The following PRPF18 variants were observed in gnomAD, a reference collection of about 807,000 sequenced individuals.
PRPF18 encodes the protein pre-mRNA-splicing factor 18.
PRPF18 carries 38 observed loss-of-function variants against 46.5 expected under a neutral mutation model. The observed-to-expected ratio is 0.82, with a 90% CI of 0.63 to 1.07. PRPF18 has a LOEUF of 1.07. PRPF18 is among the 50% of genes least tolerant of loss of function. The pLI is 0.00. For missense variants in PRPF18, 263 were observed against 410.0 expected (o/e 0.64, Z 3.10); for synonymous variants, 152 against 146.7 (o/e 1.04, Z -0.26).
chr10:13,593,925 GA>G (rs2079998960), intron 1 of PRPF18, among the ~76,000 whole-genome samples: 1 of 152,192 alleles, frequency 6.6e-6, no homozygotes, highest in Admixed American at 6.5e-5. Flanking sequence ...GAAAGAAAAT[GA>G]AATGGGTAAA....
intron 4 of PRPF18, among the ~76,000 whole-genome samples, chr10:13,607,151 G>C (rs2080199839): frequency 6.6e-6 from 1 of 152,136 alleles, no homozygotes; most frequent in South Asian, 2.1e-4. Flanking sequence ...GAATGCGGTG[G>C]CATAATCATG....
chr10:13,619,494 C>T (rs2080393797), intron 9 of PRPF18, among the ~76,000 whole-genome samples: 1 of 152,192 alleles, frequency 6.6e-6, no homozygotes, highest in African/African-American at 2.4e-5. Flanking sequence ...GCCCTTCTGG[C>T]CAGAGTCCTC....
intron 2 of PRPF18, 30 bp from the exon 3 acceptor site, chr10:13,600,214 G>A: frequency 3.3e-6 from 5 of 1,501,370 alleles, no homozygotes; most frequent in Non-Finnish European, 4.5e-6. Context: ...TTTTAAAGCT[G>A]AATTTCATTT....
the PRPF18 span, among the ~76,000 whole-genome samples, chr10:13,638,437 T>G: frequency 6.6e-6 from 1 of 150,792 alleles, no homozygotes; most frequent in African/African-American, 2.4e-5. Context: ...GGGAGAGAGA[T>G]TTATTATAAG....
chr10:13,593,998 A>T (rs1407959740), intron 1 of PRPF18, among the ~76,000 whole-genome samples: 1 of 152,226 alleles, frequency 6.6e-6, no homozygotes, highest in African/African-American at 2.4e-5. Context: ...TGTTTTGCGC[A>T]TGCTATAGGC....
At chr10:13,597,865 C>CT (rs1405765701) in intron 2 of PRPF18, among the ~76,000 whole-genome samples, 10 of 151,782 alleles carry the variant, frequency 6.6e-5, no homozygotes, top group Non-Finnish European at 1.2e-4. Flanking sequence ...CACCACTCCT[C>CT]TCCCCCACCT....
chr10:13,650,176 G>C, the PRPF18 span, among the ~76,000 whole-genome samples: 2 of 152,190 alleles, frequency 1.3e-5, no homozygotes, highest in African/African-American at 4.8e-5. Context: ...GGCATAGGGA[G>C]GTGGGGCTGC....
intron 2 of PRPF18, 31 bp downstream of exon 2, chr10:13,597,566 A>G: frequency 6.3e-7 from 1 of 1,599,448 alleles, no homozygotes. Context: ...GTTAAATTGT[A>G]CATTTCTGAG....
intron 3 of PRPF18, among the ~76,000 whole-genome samples, chr10:13,602,538 T>G (rs2080127985): frequency 6.6e-6 from 1 of 151,786 alleles, no homozygotes; most frequent in Admixed American, 6.6e-5. Flanking sequence ...AGCATCATGC[T>G]TGGAAAGGTT....
chr10:13,615,829 C>T (rs931753470), intron 8 of PRPF18, among the ~76,000 whole-genome samples: 9 of 152,122 alleles, frequency 5.9e-5, no homozygotes, highest in African/African-American at 1.7e-4. Context: ...GGAGCGATCT[C>T]ATCCTTCAGC....
intron 4 of PRPF18, 26 bp downstream of exon 4, chr10:13,605,770 A>C: frequency 1.3e-6 from 2 of 1,599,368 alleles, no homozygotes; most frequent in Non-Finnish European, 8.5e-7. Context: ...AAAGCTAGAA[A>C]AATACCACTG....
the PRPF18 span, chr10:13,654,453 G>A: frequency 2.4e-5 from 38 of 1,613,442 alleles, no homozygotes; most frequent in Non-Finnish European, 3.0e-5. Context: ...GGGCTGCTTG[G>A]GGGGGTGGCT....
intron 9 of PRPF18, among the ~76,000 whole-genome samples, chr10:13,625,581 G>A (rs576335871): frequency 1.1e-4 from 16 of 152,202 alleles, no homozygotes; most frequent in South Asian, 2.1e-4. Context: ...GTAAGAAAAC[G>A]TCCCAGACCT....
chr10:13,614,849 G>A (rs1015969276), intron 8 of PRPF18, among the ~76,000 whole-genome samples: 1 of 152,206 alleles, frequency 6.6e-6, no homozygotes, highest in Non-Finnish European at 1.5e-5. Context: ...TCTTGTGGCC[G>A]TGCCTCCCAA....
At chr10:13,641,802 T>C in the PRPF18 span, 21 of 152,328 alleles carry the variant, frequency 1.4e-4, no homozygotes, top group African/African-American at 2.7e-4. Context: ...GGAGTCATCG[T>C]TGACCTTGGC....
intron 6 of PRPF18, among the ~76,000 whole-genome samples, chr10:13,612,848 G>C (rs1352071804): frequency 6.6e-6 from 1 of 151,796 alleles, no homozygotes; most frequent in Non-Finnish European, 1.5e-5. Context: ...GCCTATTTTT[G>C]CTGACTTGCT....
chr10:13,622,309 G>A (rs2031606), intron 9 of PRPF18, among the ~76,000 whole-genome samples: 35,773 of 152,116 alleles, frequency 0.24, 4,655 homozygotes, highest in East Asian at 0.56. Context: ...GAACACTAGC[G>A]TGTTTTGGAA....
the PRPF18 span, chr10:13,644,645 C>G: frequency 6.6e-6 from 1 of 152,238 alleles, no homozygotes; most frequent in Non-Finnish European, 1.5e-5. Flanking sequence ...AGCTACTATG[C>G]ATGATGTAGA....
At chr10:13,654,423 G>T in the PRPF18 span, 3 of 1,601,036 alleles carry the variant, frequency 1.9e-6, no homozygotes, top group Non-Finnish European at 2.6e-6. Flanking sequence ...CACCCAGTCT[G>T]CCAGGTTAGG....
Sources: gnomAD v4.1 joint callset for allele counts (sites outside exome capture counted in the v4.1 genomes callset) on GRCh38, gnomAD v4.1.1 for gene constraint, MANE v1.5 for transcripts, NCBI Gene and HGNC (gene_info 2026-07-23, HGNC 2026-07-21) for gene names.